The following PTPRD variants were observed in gnomAD, a reference collection of about 807,000 sequenced individuals.
The protein encoded by PTPRD is protein tyrosine phosphatase receptor type D.
PTPRD carries 34 observed loss-of-function variants against 214.5 expected under a neutral mutation model. The ratio of observed to expected loss-of-function variants is 0.16; its 90% CI spans 0.12 to 0.21. PTPRD has a LOEUF of 0.21. Among genes scored for constraint, PTPRD ranks in the 10% least tolerant of loss-of-function variants. The probability of loss-of-function intolerance (pLI) is 1.00; values close to 1 mark genes in which losing one functional copy is unlikely to be tolerated. For missense variants in PTPRD, 2,545 were observed against 2,398.7 expected (o/e 1.06, Z -1.27); for synonymous variants, 1,128 against 845.7 (o/e 1.33, Z -5.79).
chr9:8,374,605 C>A (rs1282131574), intron 39 of PTPRD, among the ~76,000 whole-genome samples: 2 of 151,924 alleles, frequency 1.3e-5, no homozygotes, highest in East Asian at 3.9e-4. Flanking sequence ...GTACTTGAAG[C>A]AAACTTTGTA....
intron 14 of PTPRD, among the ~76,000 whole-genome samples, chr9:8,566,458 C>A (rs887566764): frequency 6.6e-6 from 1 of 152,130 alleles, no homozygotes; most frequent in Non-Finnish European, 1.5e-5. Context: ...ATTAAACCCT[C>A]CTATTTTGAT....
Position 10,585,168 on chromosome 9 carries a change from G to T in PTPRD, c.-600+27230C>A, listed in dbSNP as rs1215014021. ...TGGGGAGAATTACACAAATAGTGAT[G>T]AATGGGAGAAGGAAGAGCACTAAAA... On this transcript the variant is annotated intron_variant, in intron 2 of 45. Transcript: ENST00000381196. Among the ~76,000 whole-genome samples, 7 of 152,042 alleles carry T rather than the reference G, an allele frequency of 4.6e-5. No individual in the cohort carries two copies. The East Asian group carries it at 1.3e-3, about 29-fold the overall frequency.
At chr9:10,093,617 G>C (rs1485051792) in intron 3 of PTPRD, among the ~76,000 whole-genome samples, 1 of 151,436 alleles carries the variant, frequency 6.6e-6, no homozygotes, top group Non-Finnish European at 1.5e-5. Context: ...AAAATACATT[G>C]TTCTATCAAA....
rs531958900 is a variant in PTPRD, at chr9:8,316,961, T to A, written c.*913A>T. The A allele has an allele frequency of 4.3e-6, 1 of 231,452 alleles. No homozygotes were observed. The highest frequency in any genetic ancestry group is 8.6e-6 in the Non-Finnish European group (1 of 116,742). The allele number at this position is 231,452 out of a possible 1,614,324, so 14.3% of individuals were successfully genotyped here. A position where few individuals can be genotyped will look rare whatever the true frequency, so the allele number is the denominator to read the frequency against. ...GTCTATATATACATAGACACCCTTA[T>A]AAAATATGGATATATATGTATATAT... On this transcript the variant is annotated 3_prime_UTR_variant, in exon 46 of 46. Transcript: ENST00000381196.
chr9:8,652,342 A>C (rs892768755), intron 12 of PTPRD, among the ~76,000 whole-genome samples: 1 of 152,210 alleles, frequency 6.6e-6, no homozygotes, highest in African/African-American at 2.4e-5. Flanking sequence ...GTGACAAATT[A>C]TTAGGACACT....
intron 2 of PTPRD, among the ~76,000 whole-genome samples, chr9:10,509,581 T>TATATATA (rs1566622187): frequency 3.7e-4 from 22 of 58,992 alleles, no homozygotes; most frequent in African/African-American, 1.5e-3. Flanking sequence ...ATATATATAT[T>TATATATA]TTACTCACTT....
chr9:8,855,124 CT>C (rs1341839954), intron 11 of PTPRD, among the ~76,000 whole-genome samples: 2 of 40,960 alleles, frequency 4.9e-5, no homozygotes, highest in Middle Eastern at 0.017. Flanking sequence ...GGAATGCCTA[CT>C]TGAATTTTTT....
chr9:9,522,404 T>G (rs2097003708), intron 8 of PTPRD, among the ~76,000 whole-genome samples: 1 of 152,090 alleles, frequency 6.6e-6, no homozygotes, highest in East Asian at 1.9e-4. Context: ...CTGGACATAA[T>G]GAAAACATAA....
At chr9:9,400,549 T>G (rs2069939578) in intron 8 of PTPRD, among the ~76,000 whole-genome samples, 1 of 152,100 alleles carries the variant, frequency 6.6e-6, no homozygotes, top group African/African-American at 2.4e-5. Context: ...TCAGTTCAAT[T>G]ATCTTTTCCA....
intron 6 of PTPRD, among the ~76,000 whole-genome samples, chr9:9,737,513 G>C (rs1469816695): frequency 2.6e-5 from 4 of 152,032 alleles, no homozygotes; most frequent in Non-Finnish European, 4.4e-5. Context: ...TGATTCTCTT[G>C]TATCTTCTTC....
chr9:9,111,476 G>C (rs1300620772), intron 10 of PTPRD, among the ~76,000 whole-genome samples: 1 of 151,880 alleles, frequency 6.6e-6, no homozygotes, highest in African/African-American at 2.4e-5. Flanking sequence ...GGTAGCACTG[G>C]AACACCACTT....
intron 5 of PTPRD, among the ~76,000 whole-genome samples, chr9:9,875,679 T>C (rs2066649528): frequency 6.6e-6 from 1 of 152,144 alleles, no homozygotes; most frequent in Non-Finnish European, 1.5e-5. Context: ...AGTAATAACG[T>C]AGTTTCTGTG....
At chr9:10,483,083 G>C (rs1453762441) in intron 2 of PTPRD, among the ~76,000 whole-genome samples, 2 of 152,104 alleles carry the variant, frequency 1.3e-5, no homozygotes, top group African/African-American at 2.4e-5. Context: ...AGTGAAAGCA[G>C]ATACACAGAT....
At chr9:9,588,897 G>A (rs1235768221) in intron 7 of PTPRD, among the ~76,000 whole-genome samples, 1 of 151,792 alleles carries the variant, frequency 6.6e-6, no homozygotes, top group East Asian at 1.9e-4. Context: ...CAAACTCTTT[G>A]TATCTCCATT....
chr9:10,015,354 T>C (rs1437818945), intron 4 of PTPRD, among the ~76,000 whole-genome samples: 3 of 152,088 alleles, frequency 2.0e-5, no homozygotes, highest in Non-Finnish European at 4.4e-5. Flanking sequence ...GTTAAGAAAA[T>C]CATGGCAGTA....
At chr9:10,295,989 C>A (rs985116098) in intron 3 of PTPRD, among the ~76,000 whole-genome samples, 6 of 152,142 alleles carry the variant, frequency 3.9e-5, no homozygotes, top group Admixed American at 2.6e-4. Flanking sequence ...AGGTTCCTTA[C>A]AGACAGTGAT....
At chr9:9,428,637 G>A (rs555730713) in intron 8 of PTPRD, among the ~76,000 whole-genome samples, 3 of 152,228 alleles carry the variant, frequency 2.0e-5, no homozygotes, top group East Asian at 1.9e-4. Context: ...TTCCAAAACT[G>A]ACCACATAGT....
At chr9:9,310,713 T>C (rs1228276567) in intron 9 of PTPRD, among the ~76,000 whole-genome samples, 1 of 151,984 alleles carries the variant, frequency 6.6e-6, no homozygotes, top group East Asian at 1.9e-4. Context: ...AGGTTGGAAG[T>C]TCGAGACAAG....
chr9:9,043,505 A>G (rs2099651950), intron 10 of PTPRD, among the ~76,000 whole-genome samples: 1 of 152,172 alleles, frequency 6.6e-6, no homozygotes, highest in African/African-American at 2.4e-5. Flanking sequence ...ACGCCAATAA[A>G]TAGTTCACTT....
Sources: allele counts gnomAD v4.1 joint callset (sites outside exome capture counted in the v4.1 genomes callset), GRCh38; gene constraint gnomAD v4.1.1; transcripts MANE v1.5; gene names NCBI Gene and HGNC (gene_info 2026-07-23, HGNC 2026-07-21).